Variants in YIPF1 observed in about 807,000 individuals in gnomAD.
YIPF1 encodes the protein protein YIPF1.
YIPF1 carries 22 observed loss-of-function variants against 37.0 expected under a neutral mutation model. That is an observed-to-expected ratio of 0.59 (90% CI 0.42 to 0.85). The LOEUF (loss-of-function observed/expected upper bound fraction) is 0.85. YIPF1 is among the 40% of genes least tolerant of loss of function. YIPF1 has a pLI of 0.00. For missense variants in YIPF1, 355 were observed against 373.1 expected, an observed-to-expected ratio of 0.95 and a Z score of 0.40; for synonymous variants, 128 against 131.9, an observed-to-expected ratio of 0.97 and a Z score of 0.21.
intron 10 of YIPF1, among the ~76,000 whole-genome samples, chr1:53,852,954 C>T (rs902098688): frequency 6.6e-6 from 1 of 152,148 alleles, no homozygotes; most frequent in African/African-American, 2.4e-5. Flanking sequence ...ATGATCGGTC[C>T]TGAACACTGG....
chr1:53,876,876 G>A (rs924381784), intron 6 of YIPF1, among the ~76,000 whole-genome samples: 2 of 152,042 alleles, frequency 1.3e-5, no homozygotes, highest in Non-Finnish European at 1.5e-5. Context: ...CTGTAACTAC[G>A]GGCAAGTTAT....
chr1:53,864,737 GC>G (rs1399193150), intron 9 of YIPF1, among the ~76,000 whole-genome samples: 1 of 152,046 alleles, frequency 6.6e-6, no homozygotes, highest in Admixed American at 6.6e-5. Flanking sequence ...CTGCAACAGG[GC>G]TTGTTAAGGC....
rs911930860 is a variant in YIPF1 at position 53,869,160 on chromosome 1, T to TCTCACACA, written c.481+2211_481+2212insTGTGTGAG. ...CTCTCTCTCTCTCTCTCTCTCTCTC[T>TCTCACACA]CACACACACACACACACACACACAC... On this transcript the variant is annotated intron_variant, in intron 7 of 10. Coordinates refer to ENST00000072644, the MANE Select transcript of YIPF1 (RefSeq NM_018982.5). 1.8e-3 allele frequency among the ~76,000 whole-genome samples: 251 copies of TCTCACACA among 138,040 alleles called. 1 individual carries two copies. The highest frequency in any genetic ancestry group is 6.5e-3 in the African/African-American group (232 of 35,710). 90.6% of individuals were successfully genotyped at this position (138,040 alleles called of 152,430 possible).
intron 7 of YIPF1, among the ~76,000 whole-genome samples, chr1:53,869,110 A>G (rs1311857591): frequency 6.6e-6 from 1 of 151,636 alleles, no homozygotes; most frequent in Non-Finnish European, 1.5e-5. Flanking sequence ...GGAAGAAAAG[A>G]AGGAAGGATA....
At position 53,860,112 on chromosome 1, in the gene YIPF1, T is replaced by G; in HGVS notation, c.873A>C (p.Thr291=). 4 of 1,614,108 alleles carry G rather than the reference T, an allele frequency of 2.5e-6. No homozygotes were observed. Among genetic ancestry groups the G allele is most frequent in the Non-Finnish European group, 3.4e-6 (4 of 1,179,996 alleles). ...CTGTTTGGTTTGGAGTAGCTGTAGT[T>G]GTTGGGAGATGGTCCATCTCTGGTG... ...FDAPEMDHLP[T]TTATPNQTVA... Residue 291 remains threonine (T), a synonymous_variant, in exon 10 of 11, where the codon ACA becomes ACC. Transcript: ENST00000072644.
At chr1:53,853,811 G>A (rs954166145) in intron 10 of YIPF1, among the ~76,000 whole-genome samples, 90 of 152,194 alleles carry the variant, frequency 5.9e-4, no homozygotes, top group African/African-American at 2.1e-3. Flanking sequence ...GTTCTGAAAC[G>A]CTAAATAAAG....
intron 3 of YIPF1, among the ~76,000 whole-genome samples, chr1:53,883,511 T>C (rs539567026): frequency 6.6e-6 from 1 of 152,344 alleles, no homozygotes; most frequent in South Asian, 2.1e-4. Flanking sequence ...CTGGCTCAGC[T>C]AGCCACTTAC....
intron 4 of YIPF1, 71 bp from the exon 5 acceptor site, chr1:53,878,793 AGG>A: frequency 7.0e-7 from 1 of 1,436,018 alleles, no homozygotes; most frequent in South Asian, 1.3e-5. Flanking sequence ...GGGGTGCAGG[AGG>A]GATCTGATCT....
chr1:53,887,452 G>A (rs974618008), intron 3 of YIPF1, among the ~76,000 whole-genome samples: 1 of 151,876 alleles, frequency 6.6e-6, no homozygotes, highest in Non-Finnish European at 1.5e-5. Context: ...TTGAGTTTTA[G>A]AAGGACTACT....
chr1:53,887,685 A>G (rs1482399678), intron 3 of YIPF1, among the ~76,000 whole-genome samples: 1 of 152,120 alleles, frequency 6.6e-6, no homozygotes, highest in Non-Finnish European at 1.5e-5. Context: ...TTATCTTTAA[A>G]CAGTGTATCT....
At chr1:53,867,307 A>T (rs905362182) in intron 7 of YIPF1, among the ~76,000 whole-genome samples, 1 of 152,066 alleles carries the variant, frequency 6.6e-6, no homozygotes, top group Non-Finnish European at 1.5e-5. Context: ...ATAAAAACCA[A>T]CTATCCCCTT....
At chr1:53,856,911 C>T (rs971328227) in intron 10 of YIPF1, among the ~76,000 whole-genome samples, 27 of 152,318 alleles carry the variant, frequency 1.8e-4, no homozygotes, top group African/African-American at 6.5e-4. Flanking sequence ...CTGTGACTTG[C>T]TTCTAGTCAA....
intron 9 of YIPF1, among the ~76,000 whole-genome samples, 174 bp from the exon 10 acceptor site, chr1:53,860,327 T>C (rs1649837158): frequency 6.6e-6 from 1 of 152,230 alleles, no homozygotes; most frequent in African/African-American, 2.4e-5. Flanking sequence ...TCTCACTAAA[T>C]TGTGCATACT....
At chr1:53,880,244 T>G (rs1650452453) in intron 4 of YIPF1, among the ~76,000 whole-genome samples, 1 of 152,020 alleles carries the variant, frequency 6.6e-6, no homozygotes, top group Admixed American at 6.6e-5. Flanking sequence ...CAAAAATTGT[T>G]AGTATTCCTA....
chr1:53,878,398 A>G lies in YIPF1; in HGVS notation c.281T>C (p.Phe94Ser), dbSNP rs934465992. The change falls in exon 6 of 11, where the codon TTT becomes TCT. Residue 94 changes from phenylalanine (F) to serine (S), a missense_variant. Phe to Ser is a radical substitution (Grantham distance 155). Coordinates refer to ENST00000072644, the MANE Select transcript of YIPF1 (RefSeq NM_018982.5). The part of the protein sequence containing the change: ...TFFDVDTYQV[F>S]DRIKGSLLPI... ...CAAAAGAGATCCTTTAATTCTGTCAAAGACCTGGAAAACATCATAGCAGTA... is the reference window on the plus strand; with the variant it reads ...CAAAAGAGATCCTTTAATTCTGTCAGAGACCTGGAAAACATCATAGCAGTA... The G allele has an allele frequency of 2.0e-5, 32 of 1,613,898 alleles. No homozygotes were observed. The highest frequency in any genetic ancestry group is 2.5e-5 in the Non-Finnish European group (30 of 1,179,982).
At chr1:53,881,698 G>C (rs995385436) in intron 4 of YIPF1, among the ~76,000 whole-genome samples, 1 of 152,170 alleles carries the variant, frequency 6.6e-6, no homozygotes, top group African/African-American at 2.4e-5. Context: ...TTATTAAAAA[G>C]TCAAGAAACA....
chr1:53,854,424 T>G (rs1410462872), intron 10 of YIPF1, among the ~76,000 whole-genome samples: 2 of 152,170 alleles, frequency 1.3e-5, no homozygotes, highest in Non-Finnish European at 2.9e-5. Context: ...CTTCCTTACC[T>G]CTTGAAGATT....
chr1:53,878,453 A>G, intron 5 of YIPF1, 51 bp from the exon 6 acceptor site: 20 of 1,578,156 alleles, frequency 1.3e-5, no homozygotes, highest in Non-Finnish European at 1.7e-5. Flanking sequence ...AGTTTAATAA[A>G]TTCAACTACT....
chr1:53,881,024 G>A (rs567293149), intron 4 of YIPF1, among the ~76,000 whole-genome samples: 108 of 152,132 alleles, frequency 7.1e-4, no homozygotes, highest in African/African-American at 2.4e-3. Flanking sequence ...CAGCACTTTG[G>A]GAGGCCAAGA....
Sources: gnomAD v4.1 joint callset for allele counts (sites outside exome capture counted in the v4.1 genomes callset) on GRCh38, gnomAD v4.1.1 for gene constraint, MANE v1.5 for transcripts, NCBI Gene and HGNC (gene_info 2026-07-23, HGNC 2026-07-21) for gene names.